Variants in PREX2 observed in about 807,000 individuals in gnomAD.
The protein encoded by PREX2 is phosphatidylinositol 3,4,5-trisphosphate-dependent Rac exchanger 2 protein.
A neutral mutation model predicts 203.2 loss-of-function variants in PREX2; 107 were observed. The ratio of observed to expected loss-of-function variants is 0.53; its 90% confidence interval spans 0.45 to 0.62. The LOEUF (loss-of-function observed/expected upper bound fraction) is 0.62. PREX2 is among the 20% of genes least tolerant of loss of function. PREX2 has a pLI of 0.00. For synonymous variants in PREX2, 672 were observed against 663.6 expected (o/e 1.01, Z -0.19); for missense variants, 1,777 against 1,955.9 (o/e 0.91, Z 1.72).
intron 39 of PREX2, among the ~76,000 whole-genome samples, chr8:68,226,920 A>G (rs1436705123): frequency 6.6e-6 from 1 of 152,224 alleles, no homozygotes; most frequent in Non-Finnish European, 1.5e-5. Context: ...ATGCAATAGT[A>G]CCAAGGACCA....
chr8:68,188,779 C>T (rs1233036118), intron 35 of PREX2, among the ~76,000 whole-genome samples: 2 of 152,134 alleles, frequency 1.3e-5, no homozygotes, highest in African/African-American at 4.8e-5. Context: ...TCAATTATCT[C>T]CATCTGGCCC....
chr8:68,202,115 G>A (rs13276317), intron 37 of PREX2, among the ~76,000 whole-genome samples: 1 of 151,778 alleles, frequency 6.6e-6, no homozygotes, highest in African/African-American at 2.4e-5. Context: ...GTGGCCAGAC[G>A]GGTCTTGAAC....
In PREX2 at chr8:68,114,317, AC is replaced by A. The variant is rs772161754; in HGVS notation, c.3147-1434del. 3 of 509,682 alleles carry A rather than the reference AC, an allele frequency of 5.9e-6. No homozygotes were observed. In the Admixed American group the frequency reaches 5.9e-5, roughly 10 times the overall value. The allele number at this position is 509,682 out of a possible 1,614,324, so 31.6% of individuals were successfully genotyped here. Reference sequence around the variant, plus strand: ...TGCGTAAGAGGTATAAGATATCGTCACCGTCTTGAAATAACAAACATTACAT... The same window carrying A: ...TGCGTAAGAGGTATAAGATATCGTCACGTCTTGAAATAACAAACATTACAT... On this transcript the variant is annotated intron_variant, in intron 25 of 39. Transcript: ENST00000288368.
chr8:68,106,416 A>G (rs556938134), intron 23 of PREX2: 113 of 460,666 alleles, frequency 2.5e-4, no homozygotes, highest in African/African-American at 2.1e-3. Flanking sequence ...AAAAATGTTT[A>G]GGATAAATTT....
At chr8:68,120,379 C>A (rs1810747218) in intron 29 of PREX2, 93 bp downstream of exon 29, 7 of 785,166 alleles carry the variant, frequency 8.9e-6, no homozygotes, top group Non-Finnish European at 1.6e-5. Context: ...ATAAGAGGAA[C>A]AATTCCAGTT....
At chr8:68,143,430 C>T (rs1231373696) in intron 33 of PREX2, among the ~76,000 whole-genome samples, 1 of 152,162 alleles carries the variant, frequency 6.6e-6, no homozygotes, top group Admixed American at 6.6e-5. Flanking sequence ...AGAAGCTGAG[C>T]AGATGTGAGC....
intron 1 of PREX2, among the ~76,000 whole-genome samples, chr8:67,955,582 A>G (rs1805477292): frequency 6.6e-6 from 1 of 152,136 alleles, no homozygotes; most frequent in Non-Finnish European, 1.5e-5. Context: ...TCCTTCTTCC[A>G]TAGTACCCAA....
At chr8:68,021,927 C>T (rs1807579871) in intron 3 of PREX2, 109 bp from the exon 4 acceptor site, 1 of 638,582 alleles carries the variant, frequency 1.6e-6, no homozygotes, top group Admixed American at 2.4e-5. Context: ...CGCAGTATAG[C>T]TCTTAAAACG....
chr8:68,191,643 C>T, intron 35 of PREX2, 79 bp from the exon 36 acceptor site: 1 of 1,017,350 alleles, frequency 9.8e-7, no homozygotes, highest in Non-Finnish European at 1.5e-6. Context: ...AAAAAAAAGT[C>T]AGTGATTCTT....
At chr8:68,155,336 A>G (rs2129613888) in intron 34 of PREX2, among the ~76,000 whole-genome samples, 1 of 152,312 alleles carries the variant, frequency 6.6e-6, no homozygotes, top group African/African-American at 2.4e-5. Flanking sequence ...TAAATGTAGT[A>G]TGTTTTCTCC....
chr8:68,031,456 C>T (rs1807879100), intron 6 of PREX2, among the ~76,000 whole-genome samples: 2 of 151,908 alleles, frequency 1.3e-5, no homozygotes, highest in South Asian at 4.1e-4. Context: ...CACATAAAAC[C>T]AAGTGGATTG....
Position 67,953,354 on chromosome 8 carries a change from G to A in PREX2, c.141+819G>A, listed in dbSNP as rs191090678. On this transcript the variant is annotated intron_variant, in intron 1 of 39. Transcript: ENST00000288368. Reference sequence around the variant, plus strand: ...CTTTGAAAACGTCTCATTCATTTTAGGGCCGAAGGGGCAAAACTGAGTGAA... The same window carrying A: ...CTTTGAAAACGTCTCATTCATTTTAAGGCCGAAGGGGCAAAACTGAGTGAA... 6.2e-4 allele frequency among the ~76,000 whole-genome samples: 95 copies of A among 152,040 alleles called. 2 individuals carry two copies. The highest frequency in any genetic ancestry group is 2.2e-3 in the African/African-American group (92 of 41,466).
chr8:68,069,982 T>G, intron 13 of PREX2, 98 bp downstream of exon 13: 1 of 607,836 alleles, frequency 1.6e-6, no homozygotes, highest in Non-Finnish European at 2.8e-6. Flanking sequence ...GCTTATTTTG[T>G]TTTTTTTCAC....
chr8:68,212,121 C>G (rs1002459225), intron 37 of PREX2, among the ~76,000 whole-genome samples: 10 of 152,126 alleles, frequency 6.6e-5, no homozygotes, highest in Non-Finnish European at 1.5e-4. Flanking sequence ...ATCTCCTTCT[C>G]CCTGTGTGCA....
chr8:68,164,515 T>G (rs1002756966), intron 35 of PREX2, among the ~76,000 whole-genome samples: 4 of 151,784 alleles, frequency 2.6e-5, no homozygotes, highest in African/African-American at 9.7e-5. Flanking sequence ...AATAAATCTT[T>G]TATTATCAGA....
rs775741380 is a variant in PREX2, at chr8:68,087,811, T to C, written c.2113+2T>C. ...CTGTTGTGCATGCTGTAGGAAGAGG[T>C]AGGAAATTCGTCTTGCAGGGAAACA... On this transcript the variant is annotated splice_donor_variant, in intron 19 of 39. Transcript: ENST00000288368. LOFTEE classifies it high-confidence loss of function. 1 of 1,608,016 alleles carries C rather than the reference T, an allele frequency of 6.2e-7. No homozygotes were observed. Among genetic ancestry groups the C allele is most frequent in the East Asian group, 2.2e-5 (1 of 44,824 alleles).
rs1458084329 is a variant in PREX2, at chr8:68,093,682, T to A, written c.2328T>A (p.Pro776=). 1.2e-6 allele frequency: 2 copies of A among 1,609,386 alleles called. No individual in the cohort carries two copies. The highest frequency in any genetic ancestry group is 1.7e-6 in the Non-Finnish European group (2 of 1,175,938). ...EDLQKSHSKP[P]GDEAGDAFDC... is the part of the protein sequence containing the mutation. ...TTCAAAAATCTCACTCCAAGCCCCC[T>A]GGAGATGAAGCAGGGGATGCTTTTG... is the stretch of plus-strand genomic sequence containing the variant. Residue 776 remains proline (P), a synonymous_variant, in exon 21 of 40, where the codon CCT becomes CCA. Transcript: ENST00000288368.
chr8:67,997,949 G>A (rs4565442), intron 1 of PREX2, among the ~76,000 whole-genome samples: 104,075 of 151,932 alleles, frequency 0.69, 35,865 homozygotes, highest in South Asian at 0.81. Context: ...GATTTTTATC[G>A]TGGTATTTTT....
At chr8:68,090,925 C>T (rs10957418) in intron 20 of PREX2, among the ~76,000 whole-genome samples, 67,065 of 151,958 alleles carry the variant, frequency 0.44, 15,040 homozygotes, top group African/African-American at 0.49. Flanking sequence ...ATTACAGTAC[C>T]GCCATCTGTT....
Sources: allele counts gnomAD v4.1 joint callset (sites outside exome capture counted in the v4.1 genomes callset), GRCh38; gene constraint gnomAD v4.1.1; transcripts MANE v1.5; gene names NCBI Gene and HGNC (gene_info 2026-07-23, HGNC 2026-07-21).